Variants in ANKMY2 observed in about 807,000 individuals in gnomAD.
The protein encoded by ANKMY2 is ankyrin repeat and MYND domain containing 2, also known as ankyrin repeat and MYND domain-containing protein 2.
In ANKMY2, 36 loss-of-function variants were observed where a neutral mutation model predicts 50.4. That is an observed-to-expected ratio of 0.71 (90% confidence interval 0.55 to 0.94). The LOEUF (loss-of-function observed/expected upper bound fraction) is 0.94, where lower values mean the gene tolerates loss of function less well. Among genes scored for constraint, ANKMY2 ranks in the 40% least tolerant of loss-of-function variants. The pLI is 0.00. For missense variants in ANKMY2, 565 were observed against 524.0 expected (o/e 1.08, Z -0.76); for synonymous variants, 187 against 178.8 (o/e 1.05, Z -0.36).
chr7:16,610,470 AAC>A (rs1171198693), intron 6 of ANKMY2, 77 bp downstream of exon 6: 1 of 1,205,136 alleles, frequency 8.3e-7, no homozygotes, highest in South Asian at 1.5e-5. Context: ...TTAATTTTGA[AAC>A]ACATAATAAT....
At chr7:16,644,636 C>T in intron 1 of ANKMY2, 1 of 469,998 alleles carries the variant, frequency 2.1e-6, no homozygotes, top group South Asian at 1.6e-5. Flanking sequence ...GCATCACCAT[C>T]CCTGCACCGT....
At chr7:16,635,424 T>C (rs1031743509) in intron 2 of ANKMY2, among the ~76,000 whole-genome samples, 1 of 152,148 alleles carries the variant, frequency 6.6e-6, no homozygotes, top group African/African-American at 2.4e-5. Context: ...TACGTTATCT[T>C]GATTATAGTG....
rs142708506 is a variant in ANKMY2 at position 16,604,759 on chromosome 7, C to G, written c.973G>C (p.Glu325Gln). The G allele has an allele frequency of 6.2e-7, 1 of 1,613,934 alleles. No individual in the cohort carries two copies. The highest frequency in any genetic ancestry group is 8.5e-7 in the Non-Finnish European group (1 of 1,179,944). Reference protein sequence around the residue: ...VDVEFCTTCGEKGASKRCSVC... With the variant: ...VDVEFCTTCGQKGASKRCSVC... ...GAACATCTTTTACTTGCTCCCTTTT[C>G]TCCACAGGTAGTGCAAAATTCCACA... The change falls in exon 8 of 10, where the codon GAA becomes CAA. Residue 325 changes from glutamate to glutamine, a missense_variant. Coordinates refer to ENST00000306999, the MANE Select transcript of ANKMY2 (RefSeq NM_020319.3).
At chr7:16,601,038 T>C (rs1781052919) in intron 9 of ANKMY2, 93 bp from the exon 10 acceptor site, 2 of 967,570 alleles carry the variant, frequency 2.1e-6, no homozygotes, top group Non-Finnish European at 2.9e-6. Context: ...TCCTATCAAC[T>C]ACATGAGGTA....
At chr7:16,638,264 G>T (rs370967246) in intron 1 of ANKMY2, among the ~76,000 whole-genome samples, 1 of 152,170 alleles carries the variant, frequency 6.6e-6, no homozygotes, top group African/African-American at 2.4e-5. Context: ...CCACAAGACC[G>T]TCCCCACTTC....
chr7:16,641,784 G>GA (rs1554263435), intron 1 of ANKMY2, among the ~76,000 whole-genome samples: 7 of 151,998 alleles, frequency 4.6e-5, no homozygotes, highest in Admixed American at 3.9e-4. Context: ...AAAGAAGCCA[G>GA]CCCCCCCTCA....
chr7:16,622,592 T>C (rs943829524), intron 4 of ANKMY2, among the ~76,000 whole-genome samples: 4 of 151,604 alleles, frequency 2.6e-5, no homozygotes, highest in Admixed American at 2.6e-4. Context: ...CAAAAAAAAT[T>C]AGCTAGGCGT....
intron 2 of ANKMY2, among the ~76,000 whole-genome samples, chr7:16,632,104 C>T (rs1448686862): frequency 7.1e-6 from 1 of 140,336 alleles, no homozygotes; most frequent in Non-Finnish European, 1.5e-5. Context: ...TTCCTTCCTT[C>T]CTCTCTCCCT....
intron 3 of ANKMY2, among the ~76,000 whole-genome samples, chr7:16,626,413 C>G (rs1170078914): frequency 6.6e-6 from 1 of 151,674 alleles, no homozygotes; most frequent in Non-Finnish European, 1.5e-5. Context: ...CAATATTGTC[C>G]TTTTTGGATT....
At chr7:16,631,701 G>C (rs1289501727) in intron 2 of ANKMY2, among the ~76,000 whole-genome samples, 1 of 150,300 alleles carries the variant, frequency 6.7e-6, no homozygotes, top group Non-Finnish European at 1.5e-5. Context: ...TGCAACTTCC[G>C]CCTCCAGGGT....
rs1441584147 is a variant in ANKMY2 at position 16,609,669 on chromosome 7, G to A, written c.843C>T (p.Leu281=). 6 of 1,611,820 alleles carry A rather than the reference G, an allele frequency of 3.7e-6. No individual in the cohort carries two copies. In the African/African-American group the frequency reaches 4.0e-5, roughly 11 times the overall value. ...CAATGCTTCGAACCAGCTGCTGGAG[G>A]AGTGTAGCTTCACAGTAAGGAAATT... ...IRKFPYCEAT[L]LQQLVRSIAP... The change falls in exon 7 of 10, where the codon CTC becomes CTT. Residue 281 remains leucine, a synonymous_variant. Transcript: ENST00000306999.
intron 1 of ANKMY2, chr7:16,644,934 G>T: frequency 3.0e-6 from 1 of 334,830 alleles, no homozygotes; most frequent in Non-Finnish European, 5.9e-6. Context: ...GGTTCCTGAG[G>T]CTGTCGGGGC....
intron 2 of ANKMY2, among the ~76,000 whole-genome samples, 197 bp from the exon 3 acceptor site, chr7:16,627,375 T>A (rs889885144): frequency 2.6e-5 from 4 of 152,318 alleles, no homozygotes; most frequent in Admixed American, 2.6e-4. Context: ...TACTGGAGAT[T>A]TTTTTACGGA....
chr7:16,633,356 C>T (rs73063913), intron 2 of ANKMY2, among the ~76,000 whole-genome samples: 48,691 of 151,508 alleles, frequency 0.32, 8,881 homozygotes, highest in Non-Finnish European at 0.4. Flanking sequence ...AGTATACTTA[C>T]TCTTTTAATA....
chr7:16,608,421 A>C (rs1781194164), intron 7 of ANKMY2, among the ~76,000 whole-genome samples: 1 of 152,208 alleles, frequency 6.6e-6, no homozygotes, highest in African/African-American at 2.4e-5. Context: ...TTTTCTGCTC[A>C]GGTCTTTCTT....
chr7:16,632,449 T>G (rs1185259653), intron 2 of ANKMY2, among the ~76,000 whole-genome samples: 1 of 152,162 alleles, frequency 6.6e-6, no homozygotes, highest in Non-Finnish European at 1.5e-5. Context: ...CTAATTTACT[T>G]TCTGTTCCTA....
At chr7:16,617,032 T>C (rs1333938927) in intron 4 of ANKMY2, among the ~76,000 whole-genome samples, 2 of 152,186 alleles carry the variant, frequency 1.3e-5, no homozygotes, top group South Asian at 4.1e-4. Context: ...ACCAGCTTAA[T>C]GTCTCAATTA....
intron 4 of ANKMY2, among the ~76,000 whole-genome samples, chr7:16,619,513 GT>G (rs1399274957): frequency 1.3e-5 from 2 of 151,730 alleles, no homozygotes; most frequent in Non-Finnish European, 2.9e-5. Context: ...CCAGATTAAG[GT>G]TTTTCATTTT....
At chr7:16,634,204 G>T (rs1303081351) in intron 2 of ANKMY2, among the ~76,000 whole-genome samples, 1 of 151,960 alleles carries the variant, frequency 6.6e-6, no homozygotes, top group African/African-American at 2.4e-5. Flanking sequence ...ATTAGAAACC[G>T]GTACTTCTAG....
Sources: gnomAD v4.1 joint callset for allele counts (sites outside exome capture counted in the v4.1 genomes callset) on GRCh38, gnomAD v4.1.1 for gene constraint, MANE v1.5 for transcripts, NCBI Gene and HGNC (gene_info 2026-07-23, HGNC 2026-07-21) for gene names.